Variants in RBFOX3 observed in about 807,000 individuals in gnomAD.
RBFOX3 encodes RNA binding fox-1 homolog 3, also known as RNA binding protein fox-1 homolog 3.
In RBFOX3, 17 loss-of-function variants were observed where a neutral mutation model predicts 48.7. That is an observed-to-expected ratio of 0.35 (90% CI 0.24 to 0.52). RBFOX3 has a LOEUF of 0.52. Ranked by LOEUF, RBFOX3 falls within the 20% of genes least tolerant of loss-of-function variation. The pLI is 0.94. For synonymous variants in RBFOX3, 212 were observed against 209.5 expected (o/e 1.01, Z -0.10); for missense variants, 382 against 497.5 (o/e 0.77, Z 2.21).
rs1423620019 is a variant in RBFOX3, at chr17:79,362,104, G to A, written c.-174-54280C>T. On this transcript the variant is annotated intron_variant, in intron 2 of 14. Coordinates refer to ENST00000693108, the MANE Select transcript of RBFOX3 (RefSeq NM_001350451.2). This position sits in a 1 kb window ranked among gnomAD's most constrained non-coding sequence, Gnocchi z 4.2. ...TGGTGGGTAACAGATCACTCCCTTC[G>A]AGAGAATCCACTCCACTGCCAGCTC... Among the ~76,000 whole-genome samples the A allele has an allele frequency of 1.3e-5, 2 of 152,126 alleles. No individual in the cohort carries two copies. The highest frequency in any genetic ancestry group is 2.9e-5 in the Non-Finnish European group (2 of 68,016).
At chr17:79,112,906 G>GCGGGGGC (rs1555693102) in intron 5 of RBFOX3, among the ~76,000 whole-genome samples, 1 of 111,034 alleles carries the variant, frequency 9.0e-6, no homozygotes, top group Admixed American at 8.8e-5. Context: ...CAGGCTCTCG[G>GCGGGGGC]GGGGGGGGTG....
rs2056381791 is a variant in RBFOX3 at position 79,199,504 on chromosome 17, G to A, written c.-34+36262C>T. Among the ~76,000 whole-genome samples the A allele has an allele frequency of 6.6e-6, 1 of 152,188 alleles. No individual in the cohort carries two copies. The highest frequency in any genetic ancestry group is 1.5e-5 in the Non-Finnish European group (1 of 68,032). On this transcript the variant is annotated intron_variant, in intron 4 of 14. Transcript: ENST00000693108. This position sits in a 1 kb window ranked among gnomAD's most constrained non-coding sequence, Gnocchi z 5.1. ...AGAGGAGAAGGCCAGCCATCTGGAT[G>A]GCCTGAACCCAGTCACTGACTTAGG...
chr17:79,491,181 G>T (rs2080567982), intron 1 of RBFOX3, among the ~76,000 whole-genome samples: 1 of 94,678 alleles, frequency 1.1e-5, no homozygotes, highest in Non-Finnish European at 2.1e-5. Context: ...GGAGAGGGGA[G>T]GGGAGGAGAG....
chr17:79,547,212 G>A (rs2090560015), intron 1 of RBFOX3, among the ~76,000 whole-genome samples: 1 of 152,164 alleles, frequency 6.6e-6, no homozygotes, highest in South Asian at 2.1e-4. Flanking sequence ...ACTTTTGGAG[G>A]CCGAGGCAGG....
At chr17:79,583,645 G>A (rs2093148653) in intron 1 of RBFOX3, among the ~76,000 whole-genome samples, 2 of 152,354 alleles carry the variant, frequency 1.3e-5, no homozygotes, top group African/African-American at 4.8e-5. Flanking sequence ...CAAAGGCCCT[G>A]AGGCCCAGAG....
intron 4 of RBFOX3, among the ~76,000 whole-genome samples, chr17:79,151,190 C>T (rs1404378134): frequency 6.6e-6 from 1 of 151,912 alleles, no homozygotes; most frequent in African/African-American, 2.4e-5. Context: ...TCAGACCCTG[C>T]GTGCTGACCA....
intron 1 of RBFOX3, among the ~76,000 whole-genome samples, chr17:79,542,952 AC>A (rs1462501750): frequency 2.0e-5 from 3 of 152,214 alleles, no homozygotes; most frequent in Non-Finnish European, 4.4e-5. Flanking sequence ...GAGTTGGCGT[AC>A]ACTTTTCACT....
intron 4 of RBFOX3, among the ~76,000 whole-genome samples, chr17:79,176,654 AG>A (rs1390363808): frequency 6.6e-6 from 1 of 151,838 alleles, no homozygotes; most frequent in African/African-American, 2.4e-5. Flanking sequence ...GGTTGGCTGG[AG>A]GGGGTTTCCC....
intron 1 of RBFOX3, among the ~76,000 whole-genome samples, chr17:79,544,940 C>G (rs1861822178): frequency 7.5e-6 from 1 of 133,974 alleles, no homozygotes; most frequent in Non-Finnish European, 1.6e-5. Flanking sequence ...AAAATAAAAA[C>G]ATGCTACCAC....
At chr17:79,331,038 G>T (rs550736562) in intron 2 of RBFOX3, among the ~76,000 whole-genome samples, 1 of 152,102 alleles carries the variant, frequency 6.6e-6, no homozygotes, top group Non-Finnish European at 1.5e-5. Flanking sequence ...TTAAAGAAAC[G>T]TATATCTGCA....
At chr17:79,202,123 G>A (rs1166801864) in intron 4 of RBFOX3, among the ~76,000 whole-genome samples, 1 of 152,286 alleles carries the variant, frequency 6.6e-6, no homozygotes, top group East Asian at 1.9e-4. Flanking sequence ...CCCGGCATGG[G>A]GGGTAGAGTA....
chr17:79,092,230 G>A (rs2074061116), intron 14 of RBFOX3: 1 of 985,394 alleles, frequency 1.0e-6, no homozygotes, highest in Non-Finnish European at 1.2e-6. Flanking sequence ...CCCTCATAGG[G>A]CGCTACCGCT....
At chr17:79,372,338 G>A (rs1479232302) in intron 2 of RBFOX3, among the ~76,000 whole-genome samples, 2 of 107,780 alleles carry the variant, frequency 1.9e-5, no homozygotes, top group East Asian at 5.2e-4. Context: ...CCCATCCTAT[G>A]TCTCCTCCCA....
At chr17:79,587,823 G>A (rs1367117095) in intron 1 of RBFOX3, among the ~76,000 whole-genome samples, 2 of 152,270 alleles carry the variant, frequency 1.3e-5, no homozygotes, top group Admixed American at 6.5e-5. Flanking sequence ...GCTACTTCAC[G>A]GGAGGACGGA....
chr17:79,551,215 A>G (rs1028747994), intron 1 of RBFOX3, among the ~76,000 whole-genome samples: 122,462 of 152,094 alleles, frequency 0.81, 52,099 homozygotes, highest in Non-Finnish European at 0.94. Context: ...AGAAGCTGAC[A>G]CCAACATGAG....
chr17:79,332,380 G>C (rs1468060936), intron 2 of RBFOX3, among the ~76,000 whole-genome samples: 1 of 152,132 alleles, frequency 6.6e-6, no homozygotes, highest in Non-Finnish European at 1.5e-5. Context: ...TCAATAAACT[G>C]CTCGGGGTGG....
chr17:79,550,991 G>A (rs2091089991), intron 1 of RBFOX3, among the ~76,000 whole-genome samples: 1 of 152,262 alleles, frequency 6.6e-6, no homozygotes, highest in Non-Finnish European at 1.5e-5. Flanking sequence ...ACTGTCCAGT[G>A]TGGTAGCCGC....
chr17:79,201,861 G>C (rs1284596984), intron 4 of RBFOX3, among the ~76,000 whole-genome samples: 1 of 152,118 alleles, frequency 6.6e-6, no homozygotes, highest in African/African-American at 2.4e-5. Flanking sequence ...GGGCAGACTT[G>C]GGCAAACTTC....
In RBFOX3 at chr17:79,267,979, C is replaced by T. The variant is rs977809746; in HGVS notation, c.-73-32174G>A. On this transcript the variant is annotated intron_variant, in intron 3 of 14. Transcript: ENST00000693108. Reference sequence around the variant, plus strand: ...TAAAATGCCTTCCACTTTTTATACCCCCACTATAGAATTCAACCTGCACAT... The same window carrying T: ...TAAAATGCCTTCCACTTTTTATACCTCCACTATAGAATTCAACCTGCACAT... Among the ~76,000 whole-genome samples, 116 of 152,184 alleles carry T rather than the reference C, an allele frequency of 7.6e-4. 1 individual carries two copies. Among genetic ancestry groups the T allele is most frequent in the African/African-American group, 2.6e-3 (109 of 41,432 alleles).
Sources: gnomAD v4.1 joint callset for allele counts (sites outside exome capture counted in the v4.1 genomes callset) on GRCh38, gnomAD v4.1.1 for gene constraint, Gnocchi (gnomAD v3.1) non-coding constraint, MANE v1.5 for transcripts, NCBI Gene and HGNC (gene_info 2026-07-23, HGNC 2026-07-21) for gene names.